NKAIN3: variants seen among roughly 807,000 people sequenced by gnomAD.
NKAIN3 encodes the protein sodium/potassium transporting ATPase interacting 3.
NKAIN3 carries 25 observed loss-of-function variants against 30.2 expected under a neutral mutation model. That is an observed-to-expected ratio of 0.83 (90% CI 0.60 to 1.16). The LOEUF (loss-of-function observed/expected upper bound fraction) is 1.16. NKAIN3 is among the 50% of genes most tolerant of loss of function. NKAIN3 has a pLI of 0.00. For missense variants in NKAIN3, 225 were observed against 254.1 expected (o/e 0.89, Z 0.78); for synonymous variants, 91 against 89.6 (o/e 1.02, Z -0.09).
At chr8:62,793,505 T>C (rs2130677327) in intron 4 of NKAIN3, among the ~76,000 whole-genome samples, 1 of 152,274 alleles carries the variant, frequency 6.6e-6, no homozygotes, top group South Asian at 2.1e-4. Flanking sequence ...AATCTTTTTT[T>C]TACTAGGCTG....
rs1369219597 is a variant in NKAIN3, at chr8:62,594,855, C to A, written c.273+5061C>A. 2.7e-5 allele frequency among the ~76,000 whole-genome samples: 4 copies of A among 146,156 alleles called. No homozygotes were observed. The East Asian group carries it at 8.1e-4, about 30-fold the overall frequency. On this transcript the variant is annotated intron_variant, in intron 3 of 6. Coordinates refer to ENST00000623646, the MANE Select transcript of NKAIN3 (RefSeq NM_001304533.3). ...ATTCCTTTCCTTTCCTTTCCTTTCCCTTCTTCTTTTTTGTCAACAGGGTAA... is the reference window on the plus strand; with the variant it reads ...ATTCCTTTCCTTTCCTTTCCTTTCCATTCTTCTTTTTTGTCAACAGGGTAA...
At chr8:62,663,825 C>G (rs533981089) in intron 3 of NKAIN3, among the ~76,000 whole-genome samples, 1 of 152,234 alleles carries the variant, frequency 6.6e-6, no homozygotes, top group South Asian at 2.1e-4. Flanking sequence ...CCATGTAAAG[C>G]AACAGTGCGT....
At chr8:62,739,510 G>A (rs1815792752) in intron 3 of NKAIN3, among the ~76,000 whole-genome samples, 1 of 152,054 alleles carries the variant, frequency 6.6e-6, no homozygotes. Context: ...CTTCAAACTA[G>A]AGCCTGTTCA....
intron 3 of NKAIN3, among the ~76,000 whole-genome samples, chr8:62,632,736 C>T (rs1283167678): frequency 2.0e-5 from 3 of 151,572 alleles, no homozygotes; most frequent in East Asian, 1.9e-4. Context: ...CTCCTGACCT[C>T]AGGTGATCCA....
intron 1 of NKAIN3, among the ~76,000 whole-genome samples, chr8:62,367,451 A>G (rs1816770177): frequency 6.6e-6 from 1 of 152,218 alleles, no homozygotes; most frequent in Non-Finnish European, 1.5e-5. Flanking sequence ...TTACATTAAT[A>G]GAACAAAGGA....
At position 62,544,298 on chromosome 8, in the gene NKAIN3, C is replaced by T. The variant is rs1360071343; in HGVS notation, c.55-35241C>T. On this transcript the variant is annotated intron_variant, in intron 1 of 6. Transcript: ENST00000623646. ...GATTACAGCTGTGAGCCACTGAATCCAGACTTGTGTATTTTTTTCAACTTA... is the reference window on the plus strand; with the variant it reads ...GATTACAGCTGTGAGCCACTGAATCTAGACTTGTGTATTTTTTTCAACTTA... 2.6e-5 allele frequency among the ~76,000 whole-genome samples: 4 copies of T among 152,126 alleles called. No homozygotes were observed. In the East Asian group the frequency reaches 5.8e-4, roughly 22 times the overall value.
intron 4 of NKAIN3, among the ~76,000 whole-genome samples, chr8:62,810,638 GTTT>G (rs3032376): frequency 1.7e-5 from 2 of 120,186 alleles, no homozygotes; most frequent in Non-Finnish European, 1.7e-5. Flanking sequence ...TAGGTAGAAA[GTTT>G]TTTTTTTTTT....
intron 5 of NKAIN3, among the ~76,000 whole-genome samples, chr8:62,935,708 A>G (rs1264399160): frequency 6.6e-6 from 1 of 152,180 alleles, no homozygotes; most frequent in African/African-American, 2.4e-5. Flanking sequence ...ATATTTAAAT[A>G]TTGAGTGATA....
At chr8:62,774,095 T>C (rs55827434) in intron 4 of NKAIN3, among the ~76,000 whole-genome samples, 5 of 152,052 alleles carry the variant, frequency 3.3e-5, no homozygotes, top group Admixed American at 1.3e-4. Flanking sequence ...CAGTGTTTCA[T>C]AGTTTTCATT....
intron 1 of NKAIN3, among the ~76,000 whole-genome samples, chr8:62,487,939 T>C (rs1035026099): frequency 2.4e-4 from 36 of 152,330 alleles, no homozygotes; most frequent in African/African-American, 8.4e-4. Flanking sequence ...TCAATAAATG[T>C]GAGAACTTTG....
At position 62,981,331 on chromosome 8, in the gene NKAIN3, C is replaced by T. The variant is rs1338460088; in HGVS notation, c.*15924C>T. The T allele has an allele frequency of 6.6e-6, 1 of 152,120 alleles. No homozygotes were observed. Among genetic ancestry groups the T allele is most frequent in the African/African-American group, 2.4e-5 (1 of 41,398 alleles). 9.4% of individuals were successfully genotyped at this position (152,120 alleles called of 1,614,324 possible). ...CCAGAAGGCCAGAGTATTAATAGCA[C>T]CCGTGATAACTGTAATAAGAATATG... On this transcript the variant is annotated 3_prime_UTR_variant, in exon 7 of 7. Coordinates refer to ENST00000623646, the MANE Select transcript of NKAIN3 (RefSeq NM_001304533.3).
At chr8:62,541,086 G>A (rs1055201980) in intron 1 of NKAIN3, among the ~76,000 whole-genome samples, 1 of 152,050 alleles carries the variant, frequency 6.6e-6, no homozygotes. Flanking sequence ...GAGGTGGGGG[G>A]ATCACTTGAG....
In NKAIN3 at chr8:62,712,572, T is replaced by A. The variant is rs118150956; in HGVS notation, c.274-34360T>A. ...GCTCCCACACAAACCAAAGAGCTGG[T>A]CTCACTCCCAGCGTGCACCACCCTG... On this transcript the variant is annotated intron_variant, in intron 3 of 6. Transcript: ENST00000623646. 5.5e-4 allele frequency among the ~76,000 whole-genome samples: 84 copies of A among 152,214 alleles called. 1 individual carries two copies. In the East Asian group the frequency reaches 0.015, roughly 26 times the overall value.
chr8:62,267,074 A>G (rs1812632926), intron 1 of NKAIN3, among the ~76,000 whole-genome samples: 1 of 152,232 alleles, frequency 6.6e-6, no homozygotes, highest in Non-Finnish European at 1.5e-5. Flanking sequence ...TATGGGGCGC[A>G]TCTGCCCTGC....
At chr8:62,926,346 C>A (rs1182656729) in intron 5 of NKAIN3, among the ~76,000 whole-genome samples, 2 of 152,298 alleles carry the variant, frequency 1.3e-5, no homozygotes, top group African/African-American at 2.4e-5. Context: ...CCCTTCTCAA[C>A]GGTCTCACAA....
intron 1 of NKAIN3, among the ~76,000 whole-genome samples, chr8:62,319,581 C>T (rs995125606): frequency 2.6e-4 from 40 of 152,080 alleles, no homozygotes; most frequent in Non-Finnish European, 4.1e-4. Flanking sequence ...GCCTTCATTT[C>T]GTTTTGTACC....
intron 4 of NKAIN3, among the ~76,000 whole-genome samples, chr8:62,828,576 T>G (rs1819097308): frequency 6.6e-6 from 1 of 152,154 alleles, no homozygotes; most frequent in African/African-American, 2.4e-5. Flanking sequence ...TATAATAAAC[T>G]AGCTAAAAAA....
At chr8:62,936,053 A>G (rs1428577481) in intron 5 of NKAIN3, among the ~76,000 whole-genome samples, 1 of 152,206 alleles carries the variant, frequency 6.6e-6, no homozygotes, top group Non-Finnish European at 1.5e-5. Context: ...GTAAGAGAAT[A>G]TGACATGACA....
intron 1 of NKAIN3, among the ~76,000 whole-genome samples, chr8:62,304,455 A>G (rs1015158673): frequency 6.6e-6 from 1 of 150,488 alleles, no homozygotes; most frequent in African/African-American, 2.5e-5. Flanking sequence ...CAAAATTATT[A>G]TAGACATTTT....
Sources: allele counts gnomAD v4.1 joint callset (sites outside exome capture counted in the v4.1 genomes callset), GRCh38; gene constraint gnomAD v4.1.1; transcripts MANE v1.5; gene names NCBI Gene and HGNC (gene_info 2026-07-23, HGNC 2026-07-21).